AFTPH: variants seen among roughly 807,000 people sequenced by gnomAD.
The protein encoded by AFTPH is aftiphilin.
In AFTPH, 7 loss-of-function variants were observed where a neutral mutation model predicts 72.5. The observed-to-expected ratio is 0.10, with a 90% CI of 0.05 to 0.18. AFTPH has a LOEUF of 0.18. Among genes scored for constraint, AFTPH ranks in the 10% least tolerant of loss-of-function variants. The pLI is 1.00. For synonymous variants in AFTPH, 337 were observed against 370.1 expected, an observed-to-expected ratio of 0.91 and a Z score of 1.03; for missense variants, 979 against 1,060.5, an observed-to-expected ratio of 0.92 and a Z score of 1.07.
At chr2:64,579,293 T>C (rs1022322989) in intron 6 of AFTPH, among the ~76,000 whole-genome samples, 193 bp from the exon 7 acceptor site, 3 of 152,230 alleles carry the variant, frequency 2.0e-5, no homozygotes, top group Admixed American at 1.3e-4. Context: ...CAATAACCTG[T>C]ACTGTTTGTA....
At chr2:64,567,014 TAGC>T (rs1214583886) in intron 2 of AFTPH, among the ~76,000 whole-genome samples, 1 of 152,202 alleles carries the variant, frequency 6.6e-6, no homozygotes, top group East Asian at 1.9e-4. Flanking sequence ...TTTGTACTGT[TAGC>T]AGCAAAGATA....
At chr2:64,552,920 G>T (rs754253636) in exon 2 of AFTPH, 1 of 1,614,006 alleles carries the variant, frequency 6.2e-7, no homozygotes, top group Non-Finnish European at 8.5e-7. Context: ...GAGAATTTGG[G>T]GATATAAATG....
chr2:64,554,057 A>G (rs944200726), intron 2 of AFTPH, among the ~76,000 whole-genome samples: 2 of 152,212 alleles, frequency 1.3e-5, no homozygotes, highest in African/African-American at 2.4e-5. Context: ...GTTTAGTCCT[A>G]AAATAAGAAA....
chr2:64,585,765 A>T (rs1409154869), intron 8 of AFTPH, among the ~76,000 whole-genome samples: 1 of 152,164 alleles, frequency 6.6e-6, no homozygotes, highest in Non-Finnish European at 1.5e-5. Flanking sequence ...AGGCTGACAG[A>T]TGTGGTTTTC....
At chr2:64,573,896 C>G (rs773272532) in intron 6 of AFTPH, among the ~76,000 whole-genome samples, 16 of 152,120 alleles carry the variant, frequency 1.1e-4, no homozygotes, top group Non-Finnish European at 2.1e-4. Context: ...GACAGGTGAT[C>G]CACCCACCTT....
At chr2:64,578,626 C>T (rs1362242534) in intron 6 of AFTPH, among the ~76,000 whole-genome samples, 3 of 151,488 alleles carry the variant, frequency 2.0e-5, no homozygotes, top group Admixed American at 6.6e-5. Flanking sequence ...GGCACGATCT[C>T]GGCTCACTGC....
chr2:64,549,749 A>C (rs144348501), intron 1 of AFTPH, among the ~76,000 whole-genome samples: 49 of 151,820 alleles, frequency 3.2e-4, no homozygotes, highest in African/African-American at 1.1e-3. Context: ...ATTATTCAAC[A>C]AAAGGGATTA....
At chr2:64,569,282 T>A (rs1672275293) in intron 4 of AFTPH, 64 bp downstream of exon 4, 4 of 1,542,026 alleles carry the variant, frequency 2.6e-6, no homozygotes, top group Non-Finnish European at 3.5e-6. Context: ...AATTCTGTCA[T>A]ACTTCTGTTT....
Position 64,573,208 on chromosome 2 carries a change from A to G in AFTPH, c.2394+140A>G, listed in dbSNP as rs1349152241. ...TTTAATGATGGACATGATTTTGATT[A>G]ATTAACATCCCTTGGAATACAATGA... On this transcript the variant is annotated intron_variant, in intron 6 of 8. Transcript: ENST00000238856. 18 of 686,186 alleles carry G rather than the reference A, an allele frequency of 2.6e-5. No homozygotes were observed. In the East Asian group the frequency reaches 4.6e-4, roughly 17 times the overall value. The allele number at this position is 686,186 out of a possible 1,614,324, so 42.5% of individuals were successfully genotyped here.
chr2:64,557,481 A>T (rs1304589001), intron 2 of AFTPH, among the ~76,000 whole-genome samples: 1 of 152,170 alleles, frequency 6.6e-6, no homozygotes, highest in Non-Finnish European at 1.5e-5. Flanking sequence ...AGATTAAGTT[A>T]CTGGTTTGTT....
At chr2:64,567,736 A>G in intron 3 of AFTPH, 23 bp downstream of exon 3, 1 of 1,589,164 alleles carries the variant, frequency 6.3e-7, no homozygotes, top group Non-Finnish European at 8.5e-7. Flanking sequence ...CTGTTTTTAG[A>G]TAGCATGTGT....
chr2:64,548,266 G>A (rs1670779022), intron 1 of AFTPH, among the ~76,000 whole-genome samples: 1 of 146,134 alleles, frequency 6.8e-6, no homozygotes, highest in Non-Finnish European at 1.5e-5. Flanking sequence ...GGTGGCGGGC[G>A]CCTGTAGTCC....
At chr2:64,547,523 C>G (rs1670727460) in intron 1 of AFTPH, among the ~76,000 whole-genome samples, 1 of 152,116 alleles carries the variant, frequency 6.6e-6, no homozygotes, top group Admixed American at 6.5e-5. Flanking sequence ...TATACTTTTT[C>G]CCTTTGTAAT....
At chr2:64,526,609 A>G (rs376936819) in intron 1 of AFTPH, among the ~76,000 whole-genome samples, 6 of 152,228 alleles carry the variant, frequency 3.9e-5, no homozygotes, top group Non-Finnish European at 8.8e-5. Context: ...CCGGAACTTT[A>G]TAAGTATTTT....
chr2:64,586,731 T>C (rs535635364), intron 8 of AFTPH, among the ~76,000 whole-genome samples: 2 of 152,386 alleles, frequency 1.3e-5, no homozygotes, highest in East Asian at 3.9e-4. Context: ...CACCTGGCAT[T>C]GCCAAAGCCT....
chr2:64,569,572 A>C (rs753709315), intron 4 of AFTPH, 51 bp from the exon 5 acceptor site: 1 of 1,561,690 alleles, frequency 6.4e-7, no homozygotes, highest in Non-Finnish European at 8.8e-7. Flanking sequence ...ATTTCATTGT[A>C]TGATAGATTA....
At chr2:64,524,954 C>T (rs1669161809) in intron 1 of AFTPH, among the ~76,000 whole-genome samples, 2 of 152,232 alleles carry the variant, frequency 1.3e-5, no homozygotes, top group East Asian at 1.9e-4. Context: ...GCTGCGTTCT[C>T]CAGGGAGCTG....
At chr2:64,551,889 G>A in exon 2 of AFTPH, 1 of 1,613,746 alleles carries the variant, frequency 6.2e-7, no homozygotes, top group Non-Finnish European at 8.5e-7. Flanking sequence ...TAAAGTAGTG[G>A]AGCAGAGACA....
chr2:64,565,972 T>C (rs1394851883), intron 2 of AFTPH, among the ~76,000 whole-genome samples: 1 of 152,238 alleles, frequency 6.6e-6, no homozygotes, highest in Non-Finnish European at 1.5e-5. Flanking sequence ...TCTTTCTTCC[T>C]GTGGTAAACA....
Sources: gnomAD v4.1 joint callset for allele counts (sites outside exome capture counted in the v4.1 genomes callset) on GRCh38, gnomAD v4.1.1 for gene constraint, MANE v1.5 for transcripts, NCBI Gene and HGNC (gene_info 2026-07-23, HGNC 2026-07-21) for gene names.